DCAF7: variants seen among roughly 807,000 people sequenced by gnomAD.
DCAF7 encodes DDB1- and CUL4-associated factor 7.
A neutral mutation model predicts 41.2 loss-of-function variants in DCAF7; 4 were observed. The ratio of observed to expected loss-of-function variants is 0.10; its 90% confidence interval spans 0.05 to 0.22. The LOEUF is 0.22. DCAF7 is among the 10% of genes least tolerant of loss of function. The pLI is 1.00. For missense variants in DCAF7, 131 were observed against 443.2 expected (o/e 0.30, Z 6.32); for synonymous variants, 143 against 164.2 (o/e 0.87, Z 0.99).
rs546726308 is a variant in DCAF7, at chr17:63,572,092, A to G, written c.139-6378A>G. Reference sequence around the variant, plus strand: ...ATGTTAGAGATAAGCACTGAAAGAAAGAGCACTGGACCAGGAAGACTGTGA... The same window carrying G: ...ATGTTAGAGATAAGCACTGAAAGAAGGAGCACTGGACCAGGAAGACTGTGA... On this transcript the variant is annotated intron_variant, in intron 1 of 6. Transcript: ENST00000614556. 5.9e-5 allele frequency among the ~76,000 whole-genome samples: 9 copies of G among 152,314 alleles called. No individual in the cohort carries two copies. In the South Asian group the frequency reaches 1.9e-3, roughly 32 times the overall value.
chr17:63,577,312 G>T (rs2033573296), intron 1 of DCAF7, among the ~76,000 whole-genome samples: 1 of 152,224 alleles, frequency 6.6e-6, no homozygotes, highest in Non-Finnish European at 1.5e-5. Context: ...AGATACTGGT[G>T]TGTCTGAGAC....
At chr17:63,561,601 T>C (rs1263980516) in intron 1 of DCAF7, among the ~76,000 whole-genome samples, 1 of 152,072 alleles carries the variant, frequency 6.6e-6, no homozygotes, top group African/African-American at 2.4e-5. Flanking sequence ...TGCCTGTGGT[T>C]TCAGCTACTT....
rs1365184334 is a variant in DCAF7, at chr17:63,559,353, A to G, written c.138+8538A>G. 1.6e-4 allele frequency among the ~76,000 whole-genome samples: 21 copies of G among 133,892 alleles called. No homozygotes were observed. The Admixed American group carries it at 1.6e-3, about 10-fold the overall frequency. The allele number at this position is 133,892 out of a possible 152,430, so 87.8% of individuals were successfully genotyped here. A position where few individuals can be genotyped will look rare whatever the true frequency, so the allele number is the denominator to read the frequency against. ...TATATACATACATATATATACGTAT[A>G]TATATGTATGTATATATATATGTGT... is the stretch of plus-strand genomic sequence containing the variant. On this transcript the variant is annotated intron_variant, in intron 1 of 6. Coordinates refer to ENST00000614556, the MANE Select transcript of DCAF7 (RefSeq NM_005828.5).
At chr17:63,574,721 C>T (rs1407253657) in intron 1 of DCAF7, among the ~76,000 whole-genome samples, 3 of 152,082 alleles carry the variant, frequency 2.0e-5, no homozygotes, top group Admixed American at 2.0e-4. Flanking sequence ...ATGTGTAAGC[C>T]CAGCATACTG....
chr17:63,567,051 T>C (rs548159083), intron 1 of DCAF7, among the ~76,000 whole-genome samples: 7 of 152,140 alleles, frequency 4.6e-5, no homozygotes, highest in African/African-American at 1.4e-4. Context: ...TGATACTCCC[T>C]TCTCAGTCTC....
Position 63,570,481 on chromosome 17 carries a change from A to G in DCAF7, c.139-7989A>G, listed in dbSNP as rs1315044414. Among the ~76,000 whole-genome samples the G allele has an allele frequency of 4.6e-5, 7 of 152,008 alleles. No homozygotes were observed. The South Asian group carries it at 6.2e-4, about 14-fold the overall frequency. On this transcript the variant is annotated intron_variant, in intron 1 of 6. Coordinates refer to ENST00000614556, the MANE Select transcript of DCAF7 (RefSeq NM_005828.5). ...AAAAAGAAAAAAAAAGATAGGAAAA[A>G]TGTTTATTATATTCTTTGCCTCCTA...
chr17:63,571,612 T>C (rs1212413196), intron 1 of DCAF7, among the ~76,000 whole-genome samples: 1 of 152,170 alleles, frequency 6.6e-6, no homozygotes, highest in African/African-American at 2.4e-5. Context: ...ACGTCAGGAC[T>C]TGAATTTCAT....
At chr17:63,577,945 G>C (rs1346344258) in intron 1 of DCAF7, among the ~76,000 whole-genome samples, 1 of 152,172 alleles carries the variant, frequency 6.6e-6, no homozygotes, top group African/African-American at 2.4e-5. Context: ...TACTGGCTTT[G>C]CAGTGTTGAG....
At position 63,590,695 on chromosome 17, in the gene DCAF7, G is replaced by A. The variant is rs2033725593; in HGVS notation, c.*1523G>A. ...GTTTCCTTGCGCTCTGCTCCTACCC[G>A]AAGGTTTTTAAGTCCCTCTGAATTG... is the stretch of plus-strand genomic sequence containing the variant. On this transcript the variant is annotated 3_prime_UTR_variant, in exon 7 of 7. Coordinates refer to ENST00000614556, the MANE Select transcript of DCAF7 (RefSeq NM_005828.5). The A allele has an allele frequency of 1.3e-5, 2 of 152,674 alleles. No homozygotes were observed. The highest frequency in any genetic ancestry group is 2.9e-5 in the Non-Finnish European group (2 of 68,090). The allele number at this position is 152,674 out of a possible 1,614,324, so 9.5% of individuals were successfully genotyped here.
intron 1 of DCAF7, among the ~76,000 whole-genome samples, chr17:63,559,304 C>CGT (rs2033343520): frequency 8.5e-6 from 1 of 117,060 alleles, no homozygotes; most frequent in Admixed American, 9.6e-5. Context: ...GTGTGAGACC[C>CGT]ATATATATAT....
intron 5 of DCAF7, among the ~76,000 whole-genome samples, chr17:63,584,487 C>G (rs929298727): frequency 3.3e-5 from 5 of 150,920 alleles, no homozygotes; most frequent in Admixed American, 3.3e-4. Context: ...AAAGGCCAGG[C>G]ACGGTGGCTC....
At chr17:63,561,047 A>T (rs2033374401) in intron 1 of DCAF7, among the ~76,000 whole-genome samples, 2 of 152,218 alleles carry the variant, frequency 1.3e-5, no homozygotes, top group African/African-American at 4.8e-5. Flanking sequence ...AGGCAGTCAG[A>T]TCACTTGAGG....
intron 4 of DCAF7, 21 bp downstream of exon 4, chr17:63,579,964 G>A (rs1278983459): frequency 1.4e-5 from 22 of 1,596,888 alleles, no homozygotes; most frequent in Non-Finnish European, 1.6e-5. Context: ...TTTCCATTTC[G>A]TCTTTCCTCA....
intron 1 of DCAF7, among the ~76,000 whole-genome samples, chr17:63,556,460 T>C (rs1295079108): frequency 1.3e-5 from 2 of 152,022 alleles, no homozygotes; most frequent in African/African-American, 4.8e-5. Flanking sequence ...TCCTAGCTAC[T>C]TGGGAGGCTG....
intron 1 of DCAF7, among the ~76,000 whole-genome samples, chr17:63,552,868 A>G (rs988155536): frequency 6.6e-6 from 1 of 152,214 alleles, no homozygotes; most frequent in Non-Finnish European, 1.5e-5. Context: ...AGCATGGCTT[A>G]GCAGTGAAAT....
Position 63,589,339 on chromosome 17 carries a change from C to T in DCAF7, c.*167C>T. 1 of 900,652 alleles carries T rather than the reference C, an allele frequency of 1.1e-6. No homozygotes were observed. The highest frequency in any genetic ancestry group is 1.8e-6 in the Non-Finnish European group (1 of 568,038). 55.8% of individuals were successfully genotyped at this position (900,652 alleles called of 1,614,324 possible). A position where few individuals can be genotyped will look rare whatever the true frequency, so the allele number is the denominator to read the frequency against. ...GAGTTCCTGGCCAGTCACCCCATCG[C>T]CCTCTGTGGCAGACTCAGTGCTGTG... is the stretch of plus-strand genomic sequence containing the variant. On this transcript the variant is annotated 3_prime_UTR_variant, in exon 7 of 7. Transcript: ENST00000614556.
chr17:63,553,618 C>T lies in DCAF7; in HGVS notation c.138+2803C>T, dbSNP rs75171604. On this transcript the variant is annotated intron_variant, in intron 1 of 6. Coordinates refer to ENST00000614556, the MANE Select transcript of DCAF7 (RefSeq NM_005828.5). ...CCTGCTTGCCATGGATAGTGGTCAC[C>T]AGCAGAGGATAAAGTAAAATGGACA... Among the ~76,000 whole-genome samples, 280 of 152,206 alleles carry T rather than the reference C, an allele frequency of 1.8e-3. 1 individual carries two copies. The highest frequency in any genetic ancestry group is 6.0e-3 in the African/African-American group (250 of 41,502).
At chr17:63,556,323 A>C (rs1292641693) in intron 1 of DCAF7, among the ~76,000 whole-genome samples, 1 of 152,150 alleles carries the variant, frequency 6.6e-6, no homozygotes, top group East Asian at 1.9e-4. Flanking sequence ...TAATCCCTGC[A>C]CTTTGGGAGG....
intron 6 of DCAF7, among the ~76,000 whole-genome samples, chr17:63,586,376 G>T (rs1000311420): frequency 6.6e-6 from 1 of 151,752 alleles, no homozygotes; most frequent in Non-Finnish European, 1.5e-5. Context: ...GATCCCTTGA[G>T]CCCAGGAGTT....
Sources: allele counts gnomAD v4.1 joint callset (sites outside exome capture counted in the v4.1 genomes callset), GRCh38; gene constraint gnomAD v4.1.1; transcripts MANE v1.5; gene names NCBI Gene and HGNC (gene_info 2026-07-23, HGNC 2026-07-21).